Variants in PRKCE observed in about 807,000 individuals in gnomAD.
PRKCE encodes the protein protein kinase C epsilon type.
A neutral mutation model predicts 85.4 loss-of-function variants in PRKCE; 16 were observed. The ratio of observed to expected loss-of-function variants is 0.19; its 90% CI spans 0.13 to 0.28. The LOEUF (loss-of-function observed/expected upper bound fraction) is 0.28. PRKCE is among the 10% of genes least tolerant of loss of function. The pLI is 1.00. For missense variants in PRKCE, 573 were observed against 975.2 expected (o/e 0.59, Z 5.49); for synonymous variants, 388 against 371.5 (o/e 1.04, Z -0.51).
intron 1 of PRKCE, chr2:45,675,400 T>A (rs1676385559): frequency 2.0e-5 from 3 of 152,242 alleles, no homozygotes; most frequent in Admixed American, 1.3e-4. Context: ...GTGAGGGCAC[T>A]TGTGACCAGC....
chr2:45,677,397 C>T (rs1157741234), intron 1 of PRKCE, among the ~76,000 whole-genome samples: 2 of 144,790 alleles, frequency 1.4e-5, no homozygotes, highest in South Asian at 2.2e-4. Flanking sequence ...TCGCCCAGGC[C>T]GGACTGCGGA....
At chr2:45,820,498 G>A (rs78867046) in intron 1 of PRKCE, among the ~76,000 whole-genome samples, 3,765 of 152,218 alleles carry the variant, frequency 0.025, 88 homozygotes, top group East Asian at 0.11. Context: ...CAATATGGCT[G>A]AGGCATAAGG....
chr2:46,001,622 T>C lies in PRKCE; in HGVS notation c.966+76T>C. On this transcript the variant is annotated intron_variant, in intron 7 of 14. Coordinates refer to ENST00000306156, the MANE Select transcript of PRKCE (RefSeq NM_005400.3). This position sits in a 1 kb window ranked among gnomAD's most constrained non-coding sequence, Gnocchi z 4.4. ...CTGTGCTGACTTCCAGAGGGTGCTC[T>C]GGAGTGAGGTAATAAGATTCCTGGG... The C allele has an allele frequency of 6.8e-7, 1 of 1,478,088 alleles. No individual in the cohort carries two copies. Among genetic ancestry groups the C allele is most frequent in the Non-Finnish European group, 9.0e-7 (1 of 1,108,428 alleles). 91.6% of individuals were successfully genotyped at this position (1,478,088 alleles called of 1,614,324 possible). A position where few individuals can be genotyped will look rare whatever the true frequency, so the allele number is the denominator to read the frequency against.
intron 2 of PRKCE, among the ~76,000 whole-genome samples, chr2:45,975,384 A>G (rs1180888266): frequency 6.6e-6 from 1 of 152,118 alleles, no homozygotes; most frequent in South Asian, 2.1e-4. Flanking sequence ...ACAGTTTTGG[A>G]AGGTGGACAT....
intron 1 of PRKCE, among the ~76,000 whole-genome samples, chr2:45,783,257 C>T (rs530806902): frequency 7.9e-5 from 12 of 152,306 alleles, no homozygotes; most frequent in African/African-American, 2.4e-4. Context: ...AGGCCAAATA[C>T]TCAGGGTTTT....
chr2:45,740,662 T>C (rs1489516316), intron 1 of PRKCE, among the ~76,000 whole-genome samples: 1 of 152,182 alleles, frequency 6.6e-6, no homozygotes, highest in African/African-American at 2.4e-5. Context: ...TCTCTCAAAC[T>C]CCTCCCTAGT....
At chr2:45,702,462 G>A (rs376426714) in intron 1 of PRKCE, among the ~76,000 whole-genome samples, 1 of 152,158 alleles carries the variant, frequency 6.6e-6, no homozygotes, top group African/African-American at 2.4e-5. Flanking sequence ...CTAGTCTATT[G>A]TGTGTGTTAT....
chr2:45,671,486 G>T (rs375709412), intron 1 of PRKCE, among the ~76,000 whole-genome samples: 58 of 152,282 alleles, frequency 3.8e-4, no homozygotes, highest in Middle Eastern at 6.8e-3. Flanking sequence ...ATCCATTTAT[G>T]CATTTAAGCT....
rs11418472 is a variant in PRKCE at position 45,983,937 on chromosome 2, A to ATTT, written c.694-598_694-596dup. On this transcript the variant is annotated intron_variant, in intron 5 of 14. Coordinates refer to ENST00000306156, the MANE Select transcript of PRKCE (RefSeq NM_005400.3). Reference sequence around the variant, plus strand: ...GGCACACAGCAGTATTGAAGGTACAATTTTTTTTTTTTTTTTTTGAGACAG... The same window carrying ATTT: ...GGCACACAGCAGTATTGAAGGTACAATTTTTTTTTTTTTTTTTTTTTGAGACAG... Among the ~76,000 whole-genome samples the ATTT allele has an allele frequency of 4.4e-4, 59 of 132,950 alleles. 1 individual carries two copies. Among genetic ancestry groups the ATTT allele is most frequent in the African/African-American group, 1.1e-3 (38 of 34,514 alleles). The allele number at this position is 132,950 out of a possible 152,430, so 87.2% of individuals were successfully genotyped here.
chr2:45,916,374 G>A (rs1316058754), intron 2 of PRKCE, among the ~76,000 whole-genome samples: 2 of 151,364 alleles, frequency 1.3e-5, no homozygotes, highest in African/African-American at 4.9e-5. Flanking sequence ...CAAGTAGCTG[G>A]GACTAGAGGT....
At chr2:45,731,052 G>A (rs1255332004) in intron 1 of PRKCE, among the ~76,000 whole-genome samples, 1 of 152,206 alleles carries the variant, frequency 6.6e-6, no homozygotes, top group Non-Finnish European at 1.5e-5. Flanking sequence ...AATAGTGGGA[G>A]CCTGGGTGTT....
intron 1 of PRKCE, among the ~76,000 whole-genome samples, chr2:45,748,195 A>T (rs933366101): frequency 3.9e-5 from 6 of 152,238 alleles, no homozygotes; most frequent in African/African-American, 1.4e-4. Flanking sequence ...AAATCCATGG[A>T]TATATGCCAG....
At chr2:46,125,019 C>T (rs1374391011) in intron 11 of PRKCE, among the ~76,000 whole-genome samples, 1 of 152,164 alleles carries the variant, frequency 6.6e-6, no homozygotes, top group Non-Finnish European at 1.5e-5. Flanking sequence ...GGTGTCTTGC[C>T]TTGTTCAGCC....
At chr2:46,065,854 T>G (rs1667580925) in intron 10 of PRKCE, among the ~76,000 whole-genome samples, 1 of 152,214 alleles carries the variant, frequency 6.6e-6, no homozygotes, top group Non-Finnish European at 1.5e-5. Context: ...AATGGATCAG[T>G]TGATTCATGC....
At chr2:45,682,367 C>T (rs958259842) in intron 1 of PRKCE, among the ~76,000 whole-genome samples, 8 of 152,160 alleles carry the variant, frequency 5.3e-5, no homozygotes, top group Non-Finnish European at 1.0e-4. Context: ...TGAAATAACA[C>T]ACTGGTGGTA....
At chr2:45,850,914 A>G (rs1487108262) in intron 2 of PRKCE, among the ~76,000 whole-genome samples, 2 of 152,206 alleles carry the variant, frequency 1.3e-5, no homozygotes, top group Non-Finnish European at 2.9e-5. Context: ...CTGGGGATGT[A>G]GAGCTAATGA....
At chr2:46,070,077 G>A (rs377717431) in intron 10 of PRKCE, among the ~76,000 whole-genome samples, 7 of 152,130 alleles carry the variant, frequency 4.6e-5, no homozygotes, top group Admixed American at 1.3e-4. Context: ...TTACAGTGAC[G>A]TCCAGATGGT....
chr2:46,058,426 A>G (rs1666805915), intron 10 of PRKCE, among the ~76,000 whole-genome samples: 1 of 152,242 alleles, frequency 6.6e-6, no homozygotes, highest in African/African-American at 2.4e-5. Flanking sequence ...TTAAACTGCC[A>G]AATATTTATT....
chr2:45,908,453 C>A (rs113500889), intron 2 of PRKCE, among the ~76,000 whole-genome samples: 1 of 152,150 alleles, frequency 6.6e-6, no homozygotes, highest in Non-Finnish European at 1.5e-5. Flanking sequence ...CTCTCTCGCC[C>A]ATTGGACAAA....
Sources: gnomAD v4.1 joint callset for allele counts (sites outside exome capture counted in the v4.1 genomes callset) on GRCh38, gnomAD v4.1.1 for gene constraint, Gnocchi (gnomAD v3.1) non-coding constraint, MANE v1.5 for transcripts, NCBI Gene and HGNC (gene_info 2026-07-23, HGNC 2026-07-21) for gene names.